Variants in TMEM132B observed in about 807,000 individuals in gnomAD.
The protein encoded by TMEM132B is transmembrane protein 132B.
Under a neutral mutation model 90.8 loss-of-function variants are expected in TMEM132B, and 18 were observed. That is an observed-to-expected ratio of 0.20 (90% CI 0.14 to 0.29). The LOEUF is 0.29. Ranked by LOEUF, TMEM132B falls within the 10% of genes least tolerant of loss-of-function variation. TMEM132B has a pLI of 1.00. For synonymous variants in TMEM132B, 504 were observed against 523.3 expected, an observed-to-expected ratio of 0.96 and a Z score of 0.50; for missense variants, 1,096 against 1,326.8, an observed-to-expected ratio of 0.83 and a Z score of 2.70.
chr12:125,461,988 GTCATGTGC>G (rs1256521369), intron 3 of TMEM132B, among the ~76,000 whole-genome samples: 3 of 152,212 alleles, frequency 2.0e-5, no homozygotes, highest in Non-Finnish European at 4.4e-5. Context: ...CCCAGGCTGA[GTCATGTGC>G]TCATATTTGA....
chr12:125,308,953 A>G (rs893530393), intron 1 of TMEM132B, among the ~76,000 whole-genome samples: 1 of 152,170 alleles, frequency 6.6e-6, no homozygotes, highest in African/African-American at 2.4e-5. Context: ...TGTTATATTG[A>G]TATAGTATTC....
chr12:125,456,439 A>C (rs1233447385), intron 3 of TMEM132B, among the ~76,000 whole-genome samples: 4 of 152,220 alleles, frequency 2.6e-5, no homozygotes, highest in Admixed American at 6.5e-5. Flanking sequence ...GCCTCCTTGC[A>C]TGAAGGATTC....
At chr12:125,427,334 G>A (rs981467645) in intron 3 of TMEM132B, among the ~76,000 whole-genome samples, 2 of 152,154 alleles carry the variant, frequency 1.3e-5, no homozygotes, top group Non-Finnish European at 2.9e-5. Flanking sequence ...AAAATAGCCA[G>A]TGAAGAAGAT....
chr12:125,513,102 G>A (rs1427185223), intron 3 of TMEM132B, among the ~76,000 whole-genome samples: 1 of 152,212 alleles, frequency 6.6e-6, no homozygotes, highest in Non-Finnish European at 1.5e-5. Context: ...AGCCTTCCCT[G>A]GCCTGCCTGC....
intron 1 of TMEM132B, among the ~76,000 whole-genome samples, chr12:125,311,293 G>A (rs536118539): frequency 9.2e-5 from 14 of 152,304 alleles, no homozygotes; most frequent in South Asian, 4.1e-4. Context: ...GTTATGAGGG[G>A]AGGCAGGCAA....
At chr12:125,446,634 A>C (rs573744301) in intron 3 of TMEM132B, among the ~76,000 whole-genome samples, 52 of 152,382 alleles carry the variant, frequency 3.4e-4, no homozygotes, top group Non-Finnish European at 6.8e-4. Context: ...GAGATGAAGA[A>C]TAATAAAGCT....
chr12:125,642,201 G>T (rs1455655185), intron 5 of TMEM132B, among the ~76,000 whole-genome samples: 1 of 152,092 alleles, frequency 6.6e-6, no homozygotes, highest in African/African-American at 2.4e-5. Flanking sequence ...TGGCAGTCAG[G>T]CTCAGCATTG....
intron 4 of TMEM132B, among the ~76,000 whole-genome samples, chr12:125,527,217 T>TCCAC (rs1231543785): frequency 4.9e-5 from 6 of 123,298 alleles, no homozygotes; most frequent in Non-Finnish European, 4.9e-5. Flanking sequence ...CATCCATCCA[T>TCCAC]CCACCCATCC....
chr12:125,476,764 T>A (rs1283875141), intron 3 of TMEM132B, among the ~76,000 whole-genome samples: 1 of 152,188 alleles, frequency 6.6e-6, no homozygotes, highest in African/African-American at 2.4e-5. Context: ...CAGGAGTGAC[T>A]TTTGAAAATC....
chr12:125,195,550 C>T (rs1295786843), intron 1 of TMEM132B, among the ~76,000 whole-genome samples: 2 of 151,930 alleles, frequency 1.3e-5, no homozygotes, highest in South Asian at 4.2e-4. Flanking sequence ...AGGCGCTCAC[C>T]ACCATGGCTG....
In TMEM132B at chr12:125,645,217, CAAA is replaced by C. The variant is rs57035989; in HGVS notation, c.1643+958_1643+960del. 6.9e-3 allele frequency among the ~76,000 whole-genome samples: 508 copies of C among 73,552 alleles called. 2 individuals are homozygous for C. Among genetic ancestry groups the C allele is most frequent in the African/African-American group, 0.022 (410 of 18,418 alleles). The allele number at this position is 73,552 out of a possible 152,430, so 48.3% of individuals were successfully genotyped here. On this transcript the variant is annotated intron_variant, in intron 6 of 8. Coordinates refer to ENST00000682704, the MANE Select transcript of TMEM132B (RefSeq NM_001366854.1). ...TGGGTGACAGAGCGAGACTCCGTCT[CAAA>C]AAAAAAAAAAAAAAAAAAAAAGTCT...
At chr12:125,443,933 A>AT (rs79875848) in intron 3 of TMEM132B, among the ~76,000 whole-genome samples, 41 of 147,006 alleles carry the variant, frequency 2.8e-4, no homozygotes, top group African/African-American at 3.5e-4. Flanking sequence ...ATGAAAGTGT[A>AT]TTTTTTTTTT....
intron 1 of TMEM132B, among the ~76,000 whole-genome samples, chr12:125,260,556 C>T (rs1410828087): frequency 6.6e-6 from 1 of 151,176 alleles, no homozygotes. Context: ...GTTATGTTGC[C>T]CAGGCTGGTC....
chr12:125,323,667 C>T (rs1202724185), intron 1 of TMEM132B, among the ~76,000 whole-genome samples: 10 of 152,092 alleles, frequency 6.6e-5, no homozygotes, highest in Non-Finnish European at 8.8e-5. Flanking sequence ...TACAGGTGCA[C>T]ACCATGATGC....
intron 1 of TMEM132B, among the ~76,000 whole-genome samples, chr12:125,264,411 C>T (rs1368774663): frequency 6.6e-6 from 1 of 152,192 alleles, no homozygotes; most frequent in Non-Finnish European, 1.5e-5. Context: ...CTCTACTAAG[C>T]TTTTGAGGGT....
At chr12:125,291,595 A>G (rs7957476) in intron 1 of TMEM132B, among the ~76,000 whole-genome samples, 20,759 of 152,132 alleles carry the variant, frequency 0.14, 1,589 homozygotes, top group African/African-American at 0.2. Context: ...GCAAGGACCT[A>G]TACTCTGCCA....
At chr12:125,519,889 A>G (rs989572868) in intron 4 of TMEM132B, among the ~76,000 whole-genome samples, 3 of 152,158 alleles carry the variant, frequency 2.0e-5, no homozygotes, top group Admixed American at 6.5e-5. Flanking sequence ...ATCTGCGTGC[A>G]TATCAGGACT....
intron 1 of TMEM132B, among the ~76,000 whole-genome samples, chr12:125,322,851 C>T (rs1243244741): frequency 1.3e-5 from 2 of 150,892 alleles, no homozygotes; most frequent in East Asian, 3.9e-4. Context: ...ATATTTCATG[C>T]ATAGAAAATC....
At chr12:125,461,628 C>A (rs1033619709) in intron 3 of TMEM132B, among the ~76,000 whole-genome samples, 3 of 152,228 alleles carry the variant, frequency 2.0e-5, no homozygotes, top group African/African-American at 7.2e-5. Flanking sequence ...CCATGCAGGG[C>A]AACAGAAAAC....
Sources: gnomAD v4.1 joint callset for allele counts (sites outside exome capture counted in the v4.1 genomes callset) on GRCh38, gnomAD v4.1.1 for gene constraint, MANE v1.5 for transcripts, NCBI Gene and HGNC (gene_info 2026-07-23, HGNC 2026-07-21) for gene names.